Variants in RSU1 observed in about 807,000 individuals in gnomAD.
RSU1 encodes the protein rsu-1.
In RSU1, 26 loss-of-function variants were observed where a neutral mutation model predicts 31.1. The observed-to-expected ratio is 0.84, with a 90% CI of 0.61 to 1.16. The LOEUF is 1.16. Among genes scored for constraint, RSU1 ranks in the 50% most tolerant of loss-of-function variants. The pLI is 0.00. For missense variants in RSU1, 320 were observed against 339.1 expected (o/e 0.94, Z 0.44); for synonymous variants, 164 against 136.3 (o/e 1.20, Z -1.41).
chr10:16,807,122 GACC>G (rs1331135723), intron 2 of RSU1, among the ~76,000 whole-genome samples: 1 of 152,178 alleles, frequency 6.6e-6, no homozygotes, highest in African/African-American at 2.4e-5. Flanking sequence ...AAGTTACATA[GACC>G]ACCATTCAAA....
At chr10:16,709,005 T>C (rs1303314036) in intron 7 of RSU1, among the ~76,000 whole-genome samples, 1 of 152,158 alleles carries the variant, frequency 6.6e-6, no homozygotes, top group Non-Finnish European at 1.5e-5. Context: ...TTGGTTTTTT[T>C]TTTTTAATTA....
At chr10:16,623,153 T>G (rs1003026225) in intron 8 of RSU1, among the ~76,000 whole-genome samples, 1 of 152,138 alleles carries the variant, frequency 6.6e-6, no homozygotes, top group Non-Finnish European at 1.5e-5. Context: ...CTGAGAATAG[T>G]TTTTCAATAG....
intron 2 of RSU1, among the ~76,000 whole-genome samples, chr10:16,792,421 C>T (rs376840234): frequency 7.2e-5 from 11 of 152,196 alleles, no homozygotes; most frequent in South Asian, 6.2e-4. Context: ...TTAATAGAGA[C>T]GGGGTTTCAT....
intron 7 of RSU1, among the ~76,000 whole-genome samples, chr10:16,697,260 A>G (rs1835694662): frequency 6.6e-6 from 1 of 152,130 alleles, no homozygotes; most frequent in African/African-American, 2.4e-5. Context: ...CTGAGAAACA[A>G]CCTATGCTTA....
chr10:16,648,327 A>G (rs6602140), intron 8 of RSU1, among the ~76,000 whole-genome samples: 3 of 151,914 alleles, frequency 2.0e-5, no homozygotes, highest in Non-Finnish European at 4.4e-5. Context: ...CTCACAAAGA[A>G]TGATCATTTT....
chr10:16,695,004 A>C lies in RSU1; in HGVS notation c.731+19T>G, dbSNP rs1383404988. 1 of 1,597,336 alleles carries C rather than the reference A, an allele frequency of 6.3e-7. No individual in the cohort carries two copies. The highest frequency in any genetic ancestry group is 8.5e-7 in the Non-Finnish European group (1 of 1,172,386). On this transcript the variant is annotated intron_variant, in intron 8 of 8. Transcript: ENST00000345264. Reference sequence around the variant, plus strand: ...ATAAAATCACAGTCTACTATTTCAGAAAATCAGAGTCTACTTACTATTTGT... The same window carrying C: ...ATAAAATCACAGTCTACTATTTCAGCAAATCAGAGTCTACTTACTATTTGT...
chr10:16,616,914 G>C (rs901229972), intron 8 of RSU1, among the ~76,000 whole-genome samples: 1 of 151,602 alleles, frequency 6.6e-6, no homozygotes, highest in Non-Finnish European at 1.5e-5. Context: ...ATACTGAACG[G>C]GTATTCCCTT....
At chr10:16,779,167 C>G (rs1837601511) in intron 3 of RSU1, among the ~76,000 whole-genome samples, 1 of 152,160 alleles carries the variant, frequency 6.6e-6, no homozygotes, top group South Asian at 2.1e-4. Context: ...CTTCAAAAAC[C>G]CATCAACGCT....
intron 2 of RSU1, among the ~76,000 whole-genome samples, chr10:16,806,422 T>C (rs1414272232): frequency 6.6e-6 from 1 of 152,222 alleles, no homozygotes; most frequent in African/African-American, 2.4e-5. Flanking sequence ...GCTTCAAATC[T>C]GGGCTCTACC....
At chr10:16,659,084 C>G (rs1398428502) in intron 8 of RSU1, among the ~76,000 whole-genome samples, 2 of 152,090 alleles carry the variant, frequency 1.3e-5, no homozygotes, top group Non-Finnish European at 2.9e-5. Flanking sequence ...ATCAATTTAT[C>G]TTTCTTAAAT....
intron 7 of RSU1, among the ~76,000 whole-genome samples, chr10:16,741,483 C>G (rs116543710): frequency 6.6e-6 from 1 of 152,160 alleles, no homozygotes; most frequent in East Asian, 1.9e-4. Flanking sequence ...CTAAAAAACA[C>G]TGAATTGTAC....
intron 7 of RSU1, 146 bp from the exon 8 acceptor site, chr10:16,695,301 C>G (rs1437345154): frequency 4.3e-6 from 3 of 701,726 alleles, no homozygotes; most frequent in Non-Finnish European, 6.7e-6. Context: ...AATTTCTTAA[C>G]CCAAGTCATC....
intron 8 of RSU1, among the ~76,000 whole-genome samples, chr10:16,620,108 T>C (rs925966313): frequency 6.6e-6 from 1 of 152,230 alleles, no homozygotes; most frequent in African/African-American, 2.4e-5. Flanking sequence ...ATATTCTGCT[T>C]TATCAGAATA....
At position 16,760,986 on chromosome 10, in the gene RSU1, G is replaced by C. The variant is rs535312994; in HGVS notation, c.281+3404C>G. Among the ~76,000 whole-genome samples, 9 of 152,260 alleles carry C rather than the reference G, an allele frequency of 5.9e-5. No individual in the cohort carries two copies. The South Asian group carries it at 1.4e-3, about 25-fold the overall frequency. On this transcript the variant is annotated intron_variant, in intron 4 of 8. Coordinates refer to ENST00000345264, the MANE Select transcript of RSU1 (RefSeq NM_012425.4). ...AGATGGAGTCTCACTCTGTCACCTA[G>C]GCTGGAGTGCAGTGGTGCGATCTCA...
chr10:16,807,046 T>G (rs1838286929), intron 2 of RSU1, among the ~76,000 whole-genome samples: 1 of 152,080 alleles, frequency 6.6e-6, no homozygotes, highest in African/African-American at 2.4e-5. Flanking sequence ...CAGGCATGAG[T>G]CAGGCTGGGA....
intron 7 of RSU1, among the ~76,000 whole-genome samples, chr10:16,728,770 T>C (rs1482020305): frequency 6.6e-6 from 1 of 152,040 alleles, no homozygotes; most frequent in Non-Finnish European, 1.5e-5. Context: ...GAGAGGAGAA[T>C]GCAATGTGAT....
At chr10:16,737,166 A>G (rs950060172) in intron 7 of RSU1, among the ~76,000 whole-genome samples, 1 of 151,954 alleles carries the variant, frequency 6.6e-6, no homozygotes, top group African/African-American at 2.4e-5. Context: ...AAATCAATCA[A>G]TCAATAAAAA....
rs534237995 is a variant in RSU1 at position 16,764,421 on chromosome 10, T to C, written c.250A>G (p.Ser84Gly). 32 of 1,613,908 alleles carry C rather than the reference T, an allele frequency of 2.0e-5. No homozygotes were observed. The highest frequency in any genetic ancestry group is 2.7e-5 in the Non-Finnish European group (32 of 1,179,950). The change falls in exon 4 of 9, where the codon AGC becomes GGC. Residue 84 changes from serine to glycine, a missense_variant. Ser to Gly is a moderately conservative substitution (Grantham distance 56). Coordinates refer to ENST00000345264, the MANE Select transcript of RSU1 (RefSeq NM_012425.4). ...QIEELPTQISSLQKLKHLNLG... is the reference protein window; with the variant it reads ...QIEELPTQISGLQKLKHLNLG... Reference sequence around the variant, plus strand: ...TTCAGGTGTTTGAGTTTCTGAAGGCTACTGATCTGTGTGGGCAGCTCCTCG... The same window carrying C: ...TTCAGGTGTTTGAGTTTCTGAAGGCCACTGATCTGTGTGGGCAGCTCCTCG...
At chr10:16,677,895 T>C (rs1274684043) in intron 8 of RSU1, among the ~76,000 whole-genome samples, 2 of 152,094 alleles carry the variant, frequency 1.3e-5, no homozygotes, top group Non-Finnish European at 2.9e-5. Context: ...CTATTGGGAA[T>C]GCACAAGAAC....
Sources: allele counts gnomAD v4.1 joint callset (sites outside exome capture counted in the v4.1 genomes callset), GRCh38; gene constraint gnomAD v4.1.1; transcripts MANE v1.5; gene names NCBI Gene and HGNC (gene_info 2026-07-23, HGNC 2026-07-21).